The following NCAM1 variants were observed in gnomAD, a reference collection of about 807,000 sequenced individuals.
NCAM1 encodes the protein antigen recognized by monoclonal antibody 5.1H11.
NCAM1 carries 14 observed loss-of-function variants against 109.8 expected under a neutral mutation model. That is an observed-to-expected ratio of 0.13 (90% confidence interval 0.08 to 0.20). The LOEUF (loss-of-function observed/expected upper bound fraction) is 0.20. Ranked by LOEUF, NCAM1 falls within the 10% of genes least tolerant of loss-of-function variation. The pLI, the probability that NCAM1 is intolerant of heterozygous loss-of-function variation, is 1.00. For synonymous variants in NCAM1, 418 were observed against 442.9 expected, an observed-to-expected ratio of 0.94 and a Z score of 0.70; for missense variants, 774 against 1,109.9, an observed-to-expected ratio of 0.70 and a Z score of 4.30.
intron 1 of NCAM1, among the ~76,000 whole-genome samples, chr11:112,987,999 T>A (rs1327458291): frequency 1.3e-5 from 2 of 152,172 alleles, no homozygotes; most frequent in Admixed American, 6.5e-5. Flanking sequence ...GATTTGATAT[T>A]TTTTCTAGTG....
intron 1 of NCAM1, among the ~76,000 whole-genome samples, chr11:113,022,544 G>A (rs1036813968): frequency 2.0e-5 from 3 of 152,176 alleles, no homozygotes; most frequent in Admixed American, 2.0e-4. Context: ...GAGTACAGAT[G>A]GGTTTGAGAA....
intron 14 of NCAM1, among the ~76,000 whole-genome samples, chr11:113,244,054 A>T (rs1438856020): frequency 1.3e-5 from 2 of 151,962 alleles, no homozygotes; most frequent in Non-Finnish European, 2.9e-5. Context: ...TTTAATTCAG[A>T]TTATGAGGGG....
intron 15 of NCAM1, among the ~76,000 whole-genome samples, chr11:113,249,392 A>G (rs1311133418): frequency 8.5e-5 from 13 of 152,166 alleles, no homozygotes; most frequent in Admixed American, 8.5e-4. Flanking sequence ...GGGCTGAAGA[A>G]AAAGGCAGTG....
intron 7 of NCAM1, 29 bp downstream of exon 7, chr11:113,208,031 C>T (rs782162597): frequency 6.3e-7 from 1 of 1,585,414 alleles, no homozygotes. Context: ...CAGGTCACTG[C>T]TCTGCCACAA....
intron 1 of NCAM1, among the ~76,000 whole-genome samples, chr11:113,113,050 T>G (rs1555094051): frequency 6.6e-6 from 1 of 152,096 alleles, no homozygotes; most frequent in Non-Finnish European, 1.5e-5. Flanking sequence ...GAGAATTGCT[T>G]GAACCCAGGA....
intron 8 of NCAM1, among the ~76,000 whole-genome samples, chr11:113,216,307 G>A (rs575622230): frequency 2.6e-5 from 4 of 151,698 alleles, no homozygotes; most frequent in East Asian, 1.9e-4. Context: ...CCGCCACCTC[G>A]CCCGGCTAAT....
At chr11:113,025,799 GA>G (rs1952525245) in intron 1 of NCAM1, among the ~76,000 whole-genome samples, 2 of 81,048 alleles carry the variant, frequency 2.5e-5, no homozygotes, top group African/African-American at 4.0e-5. Context: ...GAGAGAGAGA[GA>G]GAGAGAGAGA....
At position 113,235,104 on chromosome 11, in the gene NCAM1, C is replaced by T. The variant is rs1555118009; in HGVS notation, c.1765C>T (p.Leu589Phe). The T allele has an allele frequency of 6.2e-7, 1 of 1,609,636 alleles. No individual in the cohort carries two copies. The highest frequency in any genetic ancestry group is 8.5e-7 in the Non-Finnish European group (1 of 1,177,938). Residue 589 changes from leucine to phenylalanine, a missense_variant, in exon 14 of 20, where the codon CTC (leucine) becomes TTC (phenylalanine). Leu to Phe is a conservative substitution (Grantham distance 22). Around this residue, in one of 4 missense-constraint regions of NCAM1, gnomAD observed 523 missense variants for 784.2 expected, o/e 0.67. Coordinates refer to ENST00000316851, the MANE Select transcript of NCAM1 (RefSeq NM_181351.5). ...AACGTACGCCGTAAGGCTGGCGGCG[C>T]TCAATGGCAAAGGGCTGGGTGAGAT... is the stretch of plus-strand genomic sequence containing the variant. ...ETTYAVRLAA[L>F]NGKGLGEISA...
intron 1 of NCAM1, among the ~76,000 whole-genome samples, chr11:113,159,753 C>T (rs1046684424): frequency 3.3e-5 from 5 of 151,540 alleles, no homozygotes; most frequent in Admixed American, 6.6e-5. Flanking sequence ...ATGTGCACAA[C>T]GTGCAGGTTA....
At chr11:113,207,469 T>G (rs1944272276) in intron 6 of NCAM1, 91 bp downstream of exon 6, 2 of 1,013,490 alleles carry the variant, frequency 2.0e-6, no homozygotes, top group Admixed American at 4.5e-5. Flanking sequence ...GTGGAATGGA[T>G]GTGGGCTTCT....
At position 113,016,497 on chromosome 11, in the gene NCAM1, G is replaced by A. The variant is rs532605841; in HGVS notation, c.52+54833G>A. On this transcript the variant is annotated intron_variant, in intron 1 of 19. Coordinates refer to ENST00000316851, the MANE Select transcript of NCAM1 (RefSeq NM_181351.5). ...GACAATTCACCATCCAGCCTTTAGG[G>A]TTCTGTATAGTGGCTTAAGACAGGA... Among the ~76,000 whole-genome samples the A allele has an allele frequency of 2.6e-5, 4 of 152,310 alleles. No homozygotes were observed. The East Asian group carries it at 7.7e-4, about 29-fold the overall frequency.
intron 1 of NCAM1, among the ~76,000 whole-genome samples, chr11:112,966,053 A>T (rs1272054124): frequency 6.6e-6 from 1 of 152,194 alleles, no homozygotes; most frequent in East Asian, 1.9e-4. Context: ...TCTGGTGTCA[A>T]GATAAATATT....
chr11:113,128,916 T>A (rs994548669), intron 1 of NCAM1, among the ~76,000 whole-genome samples: 1 of 124,936 alleles, frequency 8.0e-6, no homozygotes, highest in Non-Finnish European at 1.8e-5. Context: ...GGTGTGTGTG[T>A]GTGTGTGTGT....
intron 2 of NCAM1, 56 bp from the exon 3 acceptor site, chr11:113,204,230 G>T (rs1273524391): frequency 1.9e-5 from 27 of 1,420,666 alleles, no homozygotes; most frequent in Middle Eastern, 1.7e-4. Context: ...CAGTCTGGAG[G>T]GGACTTATTA....
intron 17 of NCAM1, chr11:113,263,593 C>T (rs1240518221): frequency 1.5e-5 from 15 of 985,400 alleles, no homozygotes; most frequent in Admixed American, 6.1e-5. Flanking sequence ...ACGGCCAGCA[C>T]CTTACACTGT....
intron 1 of NCAM1, among the ~76,000 whole-genome samples, chr11:113,118,676 G>A (rs1254554336): frequency 2.6e-5 from 4 of 151,954 alleles, no homozygotes; most frequent in Middle Eastern, 3.4e-3. Flanking sequence ...AAAAAGTTTC[G>A]GTGAATAGAA....
rs1165329789 is a variant in NCAM1 at position 113,270,298 on chromosome 11, A to G, written c.2242A>G (p.Lys748Glu). The part of the protein sequence containing the change: ...VVDITCYFLN[K>E]CGLFMCIAVN... ...GGACATCACCTGCTACTTCCTGAAC[A>G]AGTGTGGCCTGTTCATGTGCATTGC... Residue 748 changes from lysine (K) to glutamate (E), a missense_variant, in exon 18 of 20, where the codon AAG (lysine) becomes GAG (glutamate). Physicochemically the swap from Lys to Glu is moderately conservative, Grantham distance 56 (BLOSUM62 1). Around this residue, in one of 4 missense-constraint regions of NCAM1, gnomAD observed 523 missense variants for 784.2 expected, o/e 0.67. Coordinates refer to ENST00000316851, the MANE Select transcript of NCAM1 (RefSeq NM_181351.5). The G allele has an allele frequency of 2.5e-6, 4 of 1,613,950 alleles. No homozygotes were observed. In the South Asian group the frequency reaches 3.3e-5, roughly 13 times the overall value.
At chr11:113,216,184 T>G (rs1944524106) in intron 8 of NCAM1, among the ~76,000 whole-genome samples, 1 of 141,122 alleles carries the variant, frequency 7.1e-6, no homozygotes, top group African/African-American at 2.7e-5. Flanking sequence ...GGAGTCTCGC[T>G]GTCGCCCAGG....
At chr11:113,055,654 T>A (rs1555082427) in intron 1 of NCAM1, among the ~76,000 whole-genome samples, 2 of 152,150 alleles carry the variant, frequency 1.3e-5, no homozygotes, top group Non-Finnish European at 2.9e-5. Context: ...CTGGTCTTCA[T>A]GCCCTTGTCT....
Sources: allele counts gnomAD v4.1 joint callset (sites outside exome capture counted in the v4.1 genomes callset), GRCh38; gene constraint gnomAD v4.1.1; regional missense constraint gnomAD v4.1.1; transcripts MANE v1.5; gene names NCBI Gene and HGNC (gene_info 2026-07-23, HGNC 2026-07-21).